BANF2: variants seen among roughly 807,000 people sequenced by gnomAD.
The protein encoded by BANF2 is BANF family member 2, also known as barrier-to-autointegration factor-like protein.
In BANF2, 4 loss-of-function variants were observed where a neutral mutation model predicts 8.0. The ratio of observed to expected loss-of-function variants is 0.50; its 90% CI spans 0.25 to 1.14. BANF2 has a LOEUF of 1.14. BANF2 is among the 50% of genes most tolerant of loss of function. The pLI, the probability that BANF2 is intolerant of heterozygous loss-of-function variation, is 0.16. For synonymous variants in BANF2, 50 were observed against 40.6 expected (o/e 1.23, Z -0.88); for missense variants, 96 against 107.5 (o/e 0.89, Z 0.47).
chr20:17,730,032 C>A (rs576527137), intron 3 of BANF2, among the ~76,000 whole-genome samples: 1 of 152,316 alleles, frequency 6.6e-6, no homozygotes, highest in Admixed American at 6.5e-5. Context: ...TGGTTCAATG[C>A]TCTTTGCAGA....
At chr20:17,714,166 C>CA (rs2037615673) in intron 1 of BANF2, among the ~76,000 whole-genome samples, 1 of 130,432 alleles carries the variant, frequency 7.7e-6, no homozygotes, top group Non-Finnish European at 1.5e-5. Flanking sequence ...CACTGCACTC[C>CA]AGCAGCCTGG....
intron 1 of BANF2, among the ~76,000 whole-genome samples, chr20:17,721,566 GT>G (rs1488297691): frequency 6.6e-6 from 1 of 151,782 alleles, no homozygotes; most frequent in Non-Finnish European, 1.5e-5. Context: ...TAATTTTTGT[GT>G]TTTTAGTAGA....
At chr20:17,707,698 G>A (rs944876191) in intron 1 of BANF2, among the ~76,000 whole-genome samples, 1 of 151,924 alleles carries the variant, frequency 6.6e-6, no homozygotes. Flanking sequence ...TCCTGCCTCA[G>A]CTTCCCGAGT....
intron 1 of BANF2, among the ~76,000 whole-genome samples, chr20:17,713,049 A>G (rs1302146984): frequency 7.9e-5 from 12 of 152,012 alleles, no homozygotes; most frequent in Admixed American, 7.9e-4. Context: ...GGAGTTCAAG[A>G]CCAGCCTGGG....
At chr20:17,701,648 T>C (rs1025507810) in intron 1 of BANF2, among the ~76,000 whole-genome samples, 3 of 152,208 alleles carry the variant, frequency 2.0e-5, no homozygotes, top group African/African-American at 7.2e-5. Flanking sequence ...TGGGTGTTAG[T>C]ACTTTGCCCA....
chr20:17,694,062 A>G (rs748027136), intron 1 of BANF2, among the ~76,000 whole-genome samples: 1 of 152,184 alleles, frequency 6.6e-6, no homozygotes, highest in Admixed American at 6.5e-5. Flanking sequence ...GAATACATAC[A>G]ACGTGTGGCC....
chr20:17,715,492 A>G (rs781021225), intron 1 of BANF2, among the ~76,000 whole-genome samples: 16 of 152,258 alleles, frequency 1.1e-4, no homozygotes, highest in Non-Finnish European at 1.8e-4. Context: ...GACAGCCAAC[A>G]AGGAGCGGAG....
At chr20:17,706,647 G>A (rs1026961584) in intron 1 of BANF2, among the ~76,000 whole-genome samples, 1 of 152,326 alleles carries the variant, frequency 6.6e-6, no homozygotes, top group African/African-American at 2.4e-5. Flanking sequence ...CAGGAATGGA[G>A]AGGTAGGAAC....
intron 3 of BANF2, among the ~76,000 whole-genome samples, chr20:17,732,171 C>G (rs2037907415): frequency 6.6e-6 from 1 of 152,338 alleles, no homozygotes; most frequent in Admixed American, 6.5e-5. Context: ...GTGCTCTTAG[C>G]ACCAGGCGCT....
chr20:17,707,280 G>A (rs973411985), intron 1 of BANF2, among the ~76,000 whole-genome samples: 2 of 151,780 alleles, frequency 1.3e-5, no homozygotes, highest in Admixed American at 6.6e-5. Flanking sequence ...CAGCTACTGA[G>A]GCTGAGGCAG....
intron 3 of BANF2, among the ~76,000 whole-genome samples, chr20:17,730,567 CG>C (rs1031811302): frequency 2.0e-5 from 3 of 152,178 alleles, no homozygotes; most frequent in Non-Finnish European, 4.4e-5. Context: ...TCTCGCATGC[CG>C]GCAGCCAACG....
At position 17,702,366 on chromosome 20, in the gene BANF2, A is replaced by C. The variant is rs567965507; in HGVS notation, c.-167+2311A>C. On this transcript the variant is annotated intron_variant, in intron 1 of 3. Transcript: ENST00000246090. ...GGGCAAGATGGAGCGATGTCTATACACGGACAGATGTTATGCACCAAGGAA... is the reference window on the plus strand; with the variant it reads ...GGGCAAGATGGAGCGATGTCTATACCCGGACAGATGTTATGCACCAAGGAA... Among the ~76,000 whole-genome samples, 6 of 152,286 alleles carry C rather than the reference A, an allele frequency of 3.9e-5. 1 individual carries two copies. The highest frequency in any genetic ancestry group is 1.4e-4 in the African/African-American group (6 of 41,562).
chr20:17,708,314 G>A (rs1309490437), intron 1 of BANF2, among the ~76,000 whole-genome samples: 1 of 152,194 alleles, frequency 6.6e-6, no homozygotes, highest in African/African-American at 2.4e-5. Flanking sequence ...ATATGTGCAA[G>A]GGGGCATTTT....
At chr20:17,715,768 A>G (rs1236191926) in intron 1 of BANF2, among the ~76,000 whole-genome samples, 1 of 152,242 alleles carries the variant, frequency 6.6e-6, no homozygotes, top group East Asian at 1.9e-4. Context: ...AGGGGTCATC[A>G]GTTAGAACTC....
At chr20:17,725,759 G>A (rs2037799842) in intron 3 of BANF2, among the ~76,000 whole-genome samples, 1 of 152,242 alleles carries the variant, frequency 6.6e-6, no homozygotes, top group Non-Finnish European at 1.5e-5. Context: ...CAAAGAGAGT[G>A]AGCACAGACA....
intron 1 of BANF2, among the ~76,000 whole-genome samples, chr20:17,700,610 A>G (rs911352): frequency 0.18 from 28,108 of 152,168 alleles, 3,092 homozygotes; most frequent in African/African-American, 0.3. Context: ...CTTTTGGGAC[A>G]GTAAGAGAGC....
intron 1 of BANF2, among the ~76,000 whole-genome samples, chr20:17,703,218 C>T (rs976382451): frequency 1.3e-5 from 2 of 152,120 alleles, no homozygotes; most frequent in African/African-American, 2.4e-5. Flanking sequence ...TAATTGTGTC[C>T]CCAGCCCCAT....
chr20:17,699,148 G>C (rs968355597), upstream of BANF2, among the ~76,000 whole-genome samples: 1 of 152,158 alleles, frequency 6.6e-6, no homozygotes, highest in Non-Finnish European at 1.5e-5. Context: ...CACTGTTTTG[G>C]ACTCTAAAAT....
chr20:17,708,412 A>G (rs1303365796), intron 1 of BANF2, among the ~76,000 whole-genome samples: 1 of 152,144 alleles, frequency 6.6e-6, no homozygotes, highest in African/African-American at 2.4e-5. Context: ...TATTTGAATG[A>G]TTTCCCAACA....
Sources: allele counts gnomAD v4.1 joint callset (sites outside exome capture counted in the v4.1 genomes callset), GRCh38; gene constraint gnomAD v4.1.1; transcripts MANE v1.5; gene names NCBI Gene and HGNC (gene_info 2026-07-23, HGNC 2026-07-21).